Variants in PAPPA2 observed in about 807,000 individuals in gnomAD.
PAPPA2 encodes pappalysin-2.
PAPPA2 carries 86 observed loss-of-function variants against 176.4 expected under a neutral mutation model. The ratio of observed to expected loss-of-function variants is 0.49; its 90% CI spans 0.41 to 0.58. The LOEUF (loss-of-function observed/expected upper bound fraction) is 0.58. PAPPA2 is among the 20% of genes least tolerant of loss of function. PAPPA2 has a pLI of 0.00. For missense variants in PAPPA2, 2,073 were observed against 2,256.9 expected (o/e 0.92, Z 1.65); for synonymous variants, 809 against 852.2 (o/e 0.95, Z 0.88).
chr1:176,619,730 A>G (rs1261509246), intron 3 of PAPPA2, among the ~76,000 whole-genome samples: 1 of 152,158 alleles, frequency 6.6e-6, no homozygotes, highest in African/African-American at 2.4e-5. Context: ...GTAATCTGCC[A>G]TTTTTCTTTT....
chr1:176,620,199 A>ATTCATGAAGGTTGTGCC lies in PAPPA2; in HGVS notation c.1991+24611_1991+24612insAGGTTGTGCCTTCATGA, dbSNP rs554649620. On this transcript the variant is annotated intron_variant, in intron 3 of 22. Transcript: ENST00000367662. ...CATCTTTTATTAAAGCACTAATTTC[A>ATTCATGAAGGTTGTGCC]TTCATGATCTAATCACCTTCCAAAG... Among the ~76,000 whole-genome samples the ATTCATGAAGGTTGTGCC allele has an allele frequency of 6.3e-3, 952 of 152,196 alleles. 16 individuals carry two copies. Among genetic ancestry groups the ATTCATGAAGGTTGTGCC allele is most frequent in the African/African-American group, 0.021 (869 of 41,534 alleles).
In PAPPA2 at chr1:176,771,392, C is replaced by T. The variant is rs79571089; in HGVS notation, c.4715+212C>T. On this transcript the variant is annotated intron_variant, in intron 17 of 22. Transcript: ENST00000367662. ...TTAAAATAATTTCTGCCCTAATGAT[C>T]GCTTTTCTTGAAAGTAAGAGTTAGC... 2.5e-3 allele frequency among the ~76,000 whole-genome samples: 386 copies of T among 152,312 alleles called. 10 individuals carry two copies. In the East Asian group the frequency reaches 0.067, roughly 26 times the overall value.
At chr1:176,587,931 T>C (rs975182546) in intron 2 of PAPPA2, among the ~76,000 whole-genome samples, 1 of 152,254 alleles carries the variant, frequency 6.6e-6, no homozygotes, top group Non-Finnish European at 1.5e-5. Context: ...AATAGTTTTT[T>C]TTCTAATTCT....
At chr1:176,632,597 A>G (rs764715398) in intron 3 of PAPPA2, among the ~76,000 whole-genome samples, 21 of 152,200 alleles carry the variant, frequency 1.4e-4, no homozygotes, top group Non-Finnish European at 5.9e-5. Context: ...AGTCTGGGAG[A>G]CAGTTGCTCA....
chr1:176,779,343 G>C (rs1557866059), intron 17 of PAPPA2, among the ~76,000 whole-genome samples: 3 of 151,874 alleles, frequency 2.0e-5, no homozygotes, highest in Non-Finnish European at 4.4e-5. Context: ...TTTTGCTTTT[G>C]CTCTCTAGTG....
At chr1:176,531,641 G>A (rs1269295174) in intron 1 of PAPPA2, among the ~76,000 whole-genome samples, 1 of 152,024 alleles carries the variant, frequency 6.6e-6, no homozygotes, top group Non-Finnish European at 1.5e-5. Flanking sequence ...AGCATTTGTG[G>A]CAACTCCTTA....
intron 14 of PAPPA2, among the ~76,000 whole-genome samples, chr1:176,747,286 T>A (rs1662956889): frequency 6.6e-6 from 1 of 152,234 alleles, no homozygotes; most frequent in Non-Finnish European, 1.5e-5. Flanking sequence ...AAATGATGAC[T>A]TGTAAATTCA....
intron 21 of PAPPA2, among the ~76,000 whole-genome samples, chr1:176,823,155 C>T (rs1296645892): frequency 6.6e-6 from 1 of 152,136 alleles, no homozygotes; most frequent in African/African-American, 2.4e-5. Flanking sequence ...TGCTTCCTGC[C>T]CCTCCATTCC....
chr1:176,828,199 T>C (rs940500145), intron 21 of PAPPA2, among the ~76,000 whole-genome samples: 5 of 152,176 alleles, frequency 3.3e-5, no homozygotes, highest in Admixed American at 1.3e-4. Flanking sequence ...GACATATTCC[T>C]TAACAGCGCC....
At chr1:176,728,590 C>T (rs1223351978) in intron 12 of PAPPA2, among the ~76,000 whole-genome samples, 1 of 151,848 alleles carries the variant, frequency 6.6e-6, no homozygotes, top group East Asian at 1.9e-4. Context: ...CTGATTCTCC[C>T]TAAATTTTAA....
rs371266847 is a variant in PAPPA2, at chr1:176,711,922, G to T, written c.3739G>T (p.Asp1247Tyr). The T allele has an allele frequency of 2.9e-5, 47 of 1,613,720 alleles. No homozygotes were observed. Among genetic ancestry groups the T allele is most frequent in the Non-Finnish European group, 4.0e-5 (47 of 1,179,768 alleles). The change falls in exon 12 of 23, where the codon GAT becomes TAT. Residue 1247 changes from aspartate to tyrosine, a missense_variant. By Grantham distance (160) the Asp-to-Tyr change is radical. This residue lies in a region of PAPPA2 where 846 missense variants were observed against 857.9 expected (regional missense o/e 0.99). Coordinates refer to ENST00000367662, the MANE Select transcript of PAPPA2 (RefSeq NM_020318.3). ...TGTTGCCAGTGAAAATGAAACTCAG[G>T]ATGACAGGAGTGAACAGCCAGAAGG... is the stretch of plus-strand genomic sequence containing the variant. ...PCVASENETQ[D>Y]DRSEQPEGSL...
At chr1:176,626,456 A>G (rs1046358460) in intron 3 of PAPPA2, among the ~76,000 whole-genome samples, 1 of 152,192 alleles carries the variant, frequency 6.6e-6, no homozygotes, top group Non-Finnish European at 1.5e-5. Context: ...GAGTATGTTT[A>G]CCTTTTACCC....
At chr1:176,736,131 G>T (rs1250949355) in intron 12 of PAPPA2, among the ~76,000 whole-genome samples, 1 of 152,010 alleles carries the variant, frequency 6.6e-6, no homozygotes, top group Non-Finnish European at 1.5e-5. Flanking sequence ...GGGTCTTTTA[G>T]GAGAGCTTTG....
At chr1:176,552,738 T>C (rs1385099865) in intron 1 of PAPPA2, among the ~76,000 whole-genome samples, 1 of 152,176 alleles carries the variant, frequency 6.6e-6, no homozygotes, top group Non-Finnish European at 1.5e-5. Flanking sequence ...CCATTCCCTC[T>C]AGCTTCGCTG....
chr1:176,516,711 C>T (rs1195743957), intron 1 of PAPPA2, among the ~76,000 whole-genome samples: 1 of 152,176 alleles, frequency 6.6e-6, no homozygotes, highest in East Asian at 1.9e-4. Flanking sequence ...TTACCATACA[C>T]CAAAACTATA....
chr1:176,616,954 C>T (rs781224726), intron 3 of PAPPA2, among the ~76,000 whole-genome samples: 8 of 152,182 alleles, frequency 5.3e-5, no homozygotes, highest in Non-Finnish European at 7.3e-5. Flanking sequence ...AACCTCCTAA[C>T]AAGAAGCAGC....
chr1:176,715,206 A>G (rs563105843), intron 12 of PAPPA2, among the ~76,000 whole-genome samples: 1 of 152,212 alleles, frequency 6.6e-6, no homozygotes, highest in Non-Finnish European at 1.5e-5. Flanking sequence ...ATGACACAAA[A>G]ACAAAAGTTT....
chr1:176,595,817 T>G (rs192874248), intron 3 of PAPPA2, among the ~76,000 whole-genome samples: 78 of 152,272 alleles, frequency 5.1e-4, no homozygotes, highest in Middle Eastern at 3.4e-3. Context: ...ACTCACTGTT[T>G]GTGGGGCAGA....
chr1:176,838,701 A>G (rs1667367717), intron 21 of PAPPA2, among the ~76,000 whole-genome samples: 2 of 152,362 alleles, frequency 1.3e-5, no homozygotes, highest in African/African-American at 4.8e-5. Context: ...AGCATTAAAG[A>G]CAAATGCTCA....
Sources: gnomAD v4.1 joint callset for allele counts (sites outside exome capture counted in the v4.1 genomes callset) on GRCh38, gnomAD v4.1.1 for gene constraint, gnomAD v4.1.1 regional missense constraint, MANE v1.5 for transcripts, NCBI Gene and HGNC (gene_info 2026-07-23, HGNC 2026-07-21) for gene names.